The following PHF24 variants were observed in gnomAD, a reference collection of about 807,000 sequenced individuals.
PHF24 encodes the protein Galpha inhibitory interacting protein.
A neutral mutation model predicts 42.6 loss-of-function variants in PHF24; 25 were observed. The ratio of observed to expected loss-of-function variants is 0.59; its 90% confidence interval spans 0.43 to 0.82. The LOEUF (loss-of-function observed/expected upper bound fraction) is 0.82. Among genes scored for constraint, PHF24 ranks in the 40% least tolerant of loss-of-function variants. The pLI is 0.00. For synonymous variants in PHF24, 185 were observed against 204.8 expected, an observed-to-expected ratio of 0.90 and a Z score of 0.83; for missense variants, 470 against 538.1, an observed-to-expected ratio of 0.87 and a Z score of 1.25.
the PHF24 span, among the ~76,000 whole-genome samples, chr9:34,668,764 G>T: frequency 6.6e-6 from 1 of 152,196 alleles, no homozygotes. Flanking sequence ...TAAAACAGTT[G>T]TGCTGAATTT....
the PHF24 span, chr9:34,889,243 T>C: frequency 1.8e-5 from 7 of 398,576 alleles, no homozygotes; most frequent in Non-Finnish European, 3.1e-5. Context: ...GAGTTAGACC[T>C]GGGATAGATT....
chr9:34,734,520 C>T, the PHF24 span, among the ~76,000 whole-genome samples: 1 of 152,196 alleles, frequency 6.6e-6, no homozygotes, highest in Non-Finnish European at 1.5e-5. Context: ...CCCTTCTCTT[C>T]CCTATGGAAA....
the PHF24 span, among the ~76,000 whole-genome samples, chr9:34,795,545 T>A: frequency 0.52 from 79,036 of 152,042 alleles, 21,886 homozygotes; most frequent in Non-Finnish European, 0.62. Flanking sequence ...TAAAATTCTA[T>A]GGAAATATTA....
chr9:34,689,084 G>A, the PHF24 span, among the ~76,000 whole-genome samples: 1 of 152,088 alleles, frequency 6.6e-6, no homozygotes, highest in Non-Finnish European at 1.5e-5. This position sits in a 1 kb window ranked among gnomAD's most constrained non-coding sequence, Gnocchi z 4.1. Context: ...CCAGACCAAG[G>A]GAAGGGCATG....
At chr9:34,947,660 A>T in the PHF24 span, among the ~76,000 whole-genome samples, 1 of 151,798 alleles carries the variant, frequency 6.6e-6, no homozygotes, top group Non-Finnish European at 1.5e-5. Context: ...CAGGCCTGTT[A>T]TTGCCTCTGA....
the PHF24 span, among the ~76,000 whole-genome samples, chr9:34,785,241 A>T: frequency 1.1e-4 from 16 of 152,320 alleles, no homozygotes; most frequent in South Asian, 1.7e-3. Context: ...GTGTCCTCAC[A>T]TAGGTGAAGG....
At chr9:34,772,992 T>G in the PHF24 span, among the ~76,000 whole-genome samples, 6 of 139,616 alleles carry the variant, frequency 4.3e-5, no homozygotes, top group Non-Finnish European at 7.9e-5. Flanking sequence ...CAGAGTTCTG[T>G]TTTTTTTTTT....
At chr9:34,673,325 G>C in the PHF24 span, among the ~76,000 whole-genome samples, 1 of 147,898 alleles carries the variant, frequency 6.8e-6, no homozygotes, top group African/African-American at 2.5e-5. Context: ...CTGCACTCCG[G>C]TCCGGGCTAC....
the PHF24 span, among the ~76,000 whole-genome samples, chr9:34,854,121 A>G: frequency 6.7e-6 from 1 of 148,402 alleles, no homozygotes; most frequent in Non-Finnish European, 1.5e-5. Context: ...GTCAGTGGTG[A>G]TATCTCCTTT....
the PHF24 span, chr9:34,727,987 T>G: frequency 5.2e-6 from 8 of 1,544,764 alleles, no homozygotes; most frequent in African/African-American, 1.4e-5. Flanking sequence ...TAGGCCAGGC[T>G]GGTTGTTGAT....
chr9:34,966,494 A>C (rs932386906), intron 1 of PHF24, among the ~76,000 whole-genome samples: 2 of 152,068 alleles, frequency 1.3e-5, no homozygotes, highest in African/African-American at 4.8e-5. Context: ...TTTTTCAAAA[A>C]TTATCAATCA....
At chr9:34,685,536 G>T in the PHF24 span, among the ~76,000 whole-genome samples, 1 of 152,172 alleles carries the variant, frequency 6.6e-6, no homozygotes, top group African/African-American at 2.4e-5. Flanking sequence ...AGCAAGCTGA[G>T]CTTTTCTACC....
the PHF24 span, among the ~76,000 whole-genome samples, chr9:34,827,883 G>A: frequency 6.6e-6 from 1 of 151,956 alleles, no homozygotes; most frequent in East Asian, 1.9e-4. Flanking sequence ...TCTATCTCCA[G>A]CCCCATGCTG....
the PHF24 span, chr9:34,690,037 C>T: frequency 6.2e-7 from 1 of 1,612,562 alleles, no homozygotes; most frequent in East Asian, 2.2e-5. Flanking sequence ...GGGTGAGAGG[C>T]CGGAGAGAAT....
chr9:34,933,501 G>A, the PHF24 span, among the ~76,000 whole-genome samples: 1 of 151,980 alleles, frequency 6.6e-6, no homozygotes, highest in Non-Finnish European at 1.5e-5. Context: ...GAGGTGAGTG[G>A]ATCACGAGGT....
At chr9:34,722,787 T>TCA in the PHF24 span, among the ~76,000 whole-genome samples, 1 of 152,218 alleles carries the variant, frequency 6.6e-6, no homozygotes, top group Non-Finnish European at 1.5e-5. Flanking sequence ...TGTAAGGTCT[T>TCA]ACTATGCATT....
chr9:34,769,226 C>T, the PHF24 span, among the ~76,000 whole-genome samples: 3 of 152,184 alleles, frequency 2.0e-5, no homozygotes, highest in African/African-American at 7.2e-5. Flanking sequence ...AGTGATTTTC[C>T]TGCCTCAGCC....
At chr9:34,695,047 C>T in the PHF24 span, among the ~76,000 whole-genome samples, 1 of 152,170 alleles carries the variant, frequency 6.6e-6, no homozygotes, top group Non-Finnish European at 1.5e-5. Flanking sequence ...GGCTGGGGGC[C>T]TCTAGACAGC....
chr9:34,693,858 G>T, the PHF24 span, among the ~76,000 whole-genome samples: 2 of 152,224 alleles, frequency 1.3e-5, no homozygotes, highest in East Asian at 1.9e-4. Flanking sequence ...CATTCTGAAG[G>T]TCTCCCTTTA....
Sources: gnomAD v4.1 joint callset for allele counts (sites outside exome capture counted in the v4.1 genomes callset) on GRCh38, gnomAD v4.1.1 for gene constraint, Gnocchi (gnomAD v3.1) non-coding constraint, MANE v1.5 for transcripts, NCBI Gene and HGNC (gene_info 2026-07-23, HGNC 2026-07-21) for gene names.